Variants in EIF3H observed in about 807,000 individuals in gnomAD.
EIF3H encodes eukaryotic translation initiation factor 3 subunit H, also known as eIF-3-gamma.
Under a neutral mutation model 44.2 loss-of-function variants are expected in EIF3H, and 26 were observed. That is an observed-to-expected ratio of 0.59 (90% CI 0.43 to 0.82). The LOEUF is 0.82. Among genes scored for constraint, EIF3H ranks in the 40% least tolerant of loss-of-function variants. The probability of loss-of-function intolerance (pLI) is 0.00; values close to 1 mark genes in which losing one functional copy is unlikely to be tolerated. For missense variants in EIF3H, 359 were observed against 432.8 expected, an observed-to-expected ratio of 0.83 and a Z score of 1.51; for synonymous variants, 166 against 151.9, an observed-to-expected ratio of 1.09 and a Z score of -0.68.
At chr8:116,669,032 G>C (rs1813711363) in intron 2 of EIF3H, among the ~76,000 whole-genome samples, 1 of 152,120 alleles carries the variant, frequency 6.6e-6, no homozygotes, top group Non-Finnish European at 1.5e-5. Flanking sequence ...AAAATGGGGA[G>C]GGGGACTGGA....
intron 2 of EIF3H, among the ~76,000 whole-genome samples, chr8:116,720,964 G>C (rs1009063255): frequency 6.6e-6 from 1 of 152,010 alleles, no homozygotes. Flanking sequence ...CTAACAATGC[G>C]ATAGAAAAGA....
intron 2 of EIF3H, among the ~76,000 whole-genome samples, chr8:116,680,823 TA>T (rs1193534250): frequency 9.2e-5 from 9 of 97,748 alleles, no homozygotes; most frequent in African/African-American, 3.0e-4. Flanking sequence ...GAATGATCAA[TA>T]AAAAAAAATA....
chr8:116,680,770 G>C (rs542433534), intron 2 of EIF3H, among the ~76,000 whole-genome samples: 2 of 145,376 alleles, frequency 1.4e-5, no homozygotes, highest in Non-Finnish European at 3.0e-5. Flanking sequence ...CTCCACTATT[G>C]TCCTATGACC....
intron 1 of EIF3H, among the ~76,000 whole-genome samples, chr8:116,764,059 C>T (rs1815544345): frequency 1.3e-5 from 2 of 151,970 alleles, no homozygotes; most frequent in Admixed American, 1.3e-4. Flanking sequence ...ATATTTGATC[C>T]AGACATAATA....
Position 116,657,248 on chromosome 8 carries a change from T to C in EIF3H, c.524A>G (p.Glu175Gly). The C allele has an allele frequency of 6.2e-7, 1 of 1,613,730 alleles. No homozygotes were observed. Among genetic ancestry groups the C allele is most frequent in the Non-Finnish European group, 8.5e-7 (1 of 1,179,726 alleles). Residue 175 changes from glutamate to glycine, a missense_variant, in exon 4 of 8, where the codon GAA becomes GGA. Glu to Gly is a moderately conservative substitution (Grantham distance 98). Around this residue, in one of 5 missense-constraint regions of EIF3H, gnomAD observed 85 missense variants for 79.2 expected, o/e 1.07. Transcript: ENST00000521861. ...GGAAAAATCCTTTTCTTTACAAACT[T>C]CCATCAGTTTAGGAGTCAGTCTGTA... Reference protein sequence around the residue: ...KAYRLTPKLMEVCKEKDFSPE... With the variant: ...KAYRLTPKLMGVCKEKDFSPE...
chr8:116,756,540 GA>G (rs1815453023), upstream of EIF3H, among the ~76,000 whole-genome samples: 1 of 152,144 alleles, frequency 6.6e-6, no homozygotes, highest in African/African-American at 2.4e-5. Context: ...TAAGTAATTT[GA>G]AACATTCTTT....
chr8:116,748,416 T>C (rs1389506318), intron 1 of EIF3H, among the ~76,000 whole-genome samples: 1 of 152,044 alleles, frequency 6.6e-6, no homozygotes, highest in Admixed American at 6.6e-5. Flanking sequence ...AGATAAGAAA[T>C]CAACAAATAA....
intron 2 of EIF3H, among the ~76,000 whole-genome samples, chr8:116,664,485 C>A (rs1468668968): frequency 6.6e-6 from 1 of 152,164 alleles, no homozygotes; most frequent in Admixed American, 6.5e-5. Flanking sequence ...AGCAGAATAA[C>A]GAAACAGCAT....
intron 2 of EIF3H, among the ~76,000 whole-genome samples, chr8:116,660,774 C>A (rs1813573235): frequency 6.6e-6 from 1 of 151,910 alleles, no homozygotes; most frequent in East Asian, 1.9e-4. Context: ...GAAGGTGATA[C>A]CAGACACCAG....
At chr8:116,715,761 T>C (rs1814650815) in intron 2 of EIF3H, among the ~76,000 whole-genome samples, 1 of 152,092 alleles carries the variant, frequency 6.6e-6, no homozygotes, top group Non-Finnish European at 1.5e-5. Flanking sequence ...AGTATCTGAA[T>C]CTTATAAGAT....
intron 1 of EIF3H, among the ~76,000 whole-genome samples, chr8:116,751,438 A>G (rs1815341821): frequency 6.6e-6 from 1 of 152,228 alleles, no homozygotes; most frequent in Non-Finnish European, 1.5e-5. Context: ...TGCCCTCAGT[A>G]GCATACATTC....
intron 2 of EIF3H, among the ~76,000 whole-genome samples, chr8:116,701,067 A>G (rs1374432931): frequency 6.6e-6 from 1 of 152,218 alleles, no homozygotes; most frequent in African/African-American, 2.4e-5. Context: ...GAAAGAATAT[A>G]TTCCTCAATT....
chr8:116,729,530 A>C (rs1286374519), intron 1 of EIF3H, among the ~76,000 whole-genome samples: 1 of 152,220 alleles, frequency 6.6e-6, no homozygotes, highest in African/African-American at 2.4e-5. Context: ...AATAGAATAC[A>C]GCGCTCCAAG....
intron 5 of EIF3H, among the ~76,000 whole-genome samples, chr8:116,650,610 C>G (rs1328148260): frequency 6.6e-6 from 1 of 152,140 alleles, no homozygotes; most frequent in African/African-American, 2.4e-5. Context: ...CATGGATGAA[C>G]CTTGAAAACA....
chr8:116,753,309 G>A (rs1275482086), intron 1 of EIF3H, among the ~76,000 whole-genome samples: 1 of 152,040 alleles, frequency 6.6e-6, no homozygotes, highest in Non-Finnish European at 1.5e-5. Flanking sequence ...CACTAAGTTC[G>A]TCAAGAATCT....
At chr8:116,697,951 C>T (rs189048079) in intron 2 of EIF3H, among the ~76,000 whole-genome samples, 1 of 152,330 alleles carries the variant, frequency 6.6e-6, no homozygotes, top group Admixed American at 6.5e-5. Flanking sequence ...ATCTACTACA[C>T]ATTAAGTGCT....
chr8:116,696,890 A>C (rs1814277587), intron 2 of EIF3H, among the ~76,000 whole-genome samples: 1 of 152,258 alleles, frequency 6.6e-6, no homozygotes, highest in African/African-American at 2.4e-5. Flanking sequence ...AGTCAAAAGC[A>C]CAGGTGACAA....
upstream of EIF3H, among the ~76,000 whole-genome samples, chr8:116,756,277 G>C (rs1815448373): frequency 6.6e-6 from 1 of 152,204 alleles, no homozygotes; most frequent in Admixed American, 6.5e-5. Context: ...ATAGCTGCTT[G>C]TAACCACTTA....
chr8:116,694,057 T>C (rs1032198934), intron 2 of EIF3H, among the ~76,000 whole-genome samples: 12 of 152,352 alleles, frequency 7.9e-5, no homozygotes, highest in South Asian at 2.1e-4. Context: ...AATACTCTTG[T>C]ATGTATATCA....
Sources: allele counts gnomAD v4.1 joint callset (sites outside exome capture counted in the v4.1 genomes callset), GRCh38; gene constraint gnomAD v4.1.1; regional missense constraint gnomAD v4.1.1; transcripts MANE v1.5; gene names NCBI Gene and HGNC (gene_info 2026-07-23, HGNC 2026-07-21).